USP36: variants seen among roughly 807,000 people sequenced by gnomAD.
The protein encoded by USP36 is ubiquitin carboxyl-terminal hydrolase 36.
In USP36, 59 loss-of-function variants were observed where a neutral mutation model predicts 111.5. The ratio of observed to expected loss-of-function variants is 0.53; its 90% confidence interval spans 0.43 to 0.66. USP36 has a LOEUF of 0.66. USP36 is among the 30% of genes least tolerant of loss of function. The pLI, the probability that USP36 is intolerant of heterozygous loss-of-function variation, is 0.00. For missense variants in USP36, 1,488 were observed against 1,468.0 expected, an observed-to-expected ratio of 1.01 and a Z score of -0.22; for synonymous variants, 628 against 581.0, an observed-to-expected ratio of 1.08 and a Z score of -1.16.
At chr17:78,818,279 C>A (rs940501800) in intron 10 of USP36, among the ~76,000 whole-genome samples, 2 of 152,166 alleles carry the variant, frequency 1.3e-5, no homozygotes, top group Admixed American at 6.6e-5. Context: ...CCAGGACCAG[C>A]CCAAGCACAA....
Position 78,803,888 on chromosome 17 carries a change from TG to T in USP36, c.2306del (p.Pro769GlnfsTer128). 7.9e-7 allele frequency: 1 copy of T among 1,260,018 alleles called. No individual in the cohort carries two copies. The highest frequency in any genetic ancestry group is 1.0e-6 in the Non-Finnish European group (1 of 971,986). The allele number at this position is 1,260,018 out of a possible 1,614,324, so 78.1% of individuals were successfully genotyped here. On this transcript the variant is annotated frameshift_variant, in exon 16 of 21. Coordinates refer to ENST00000449938, the MANE Select transcript of USP36 (RefSeq NM_001385174.1). LOFTEE classifies it high-confidence loss of function. This position sits in a 1 kb window ranked among gnomAD's most constrained non-coding sequence, Gnocchi z 4.6. Reference sequence around the variant, plus strand: ...AGCAGCTCCGTGGTTCTGACGTCCCTGGGGGCTTGGGGGTACTGGACAGCAA... The same window carrying T: ...AGCAGCTCCGTGGTTCTGACGTCCCTGGGGCTTGGGGGTACTGGACAGCAA... ...PTLLSSTPKP[P>X]GTSEPRSCSS...
At chr17:78,835,543 A>C in intron 3 of USP36, 42 bp from the exon 4 acceptor site, 1 of 1,550,840 alleles carries the variant, frequency 6.4e-7, no homozygotes, top group Non-Finnish European at 8.7e-7. Context: ...GGAAGACGTA[A>C]GTCCACACAC....
Position 78,806,209 on chromosome 17 carries a change from G to A in USP36, c.2163C>T (p.Pro721=), listed in dbSNP as rs760846510. 6.2e-7 allele frequency: 1 copy of A among 1,613,354 alleles called. No individual in the cohort carries two copies. The stretch of plus-strand genomic sequence containing the variant: ...CAACGACGGGGTGAGAGGTTTTCAT[G>A]GGGTGGGTGAGGTCGGAGGATGGTG... ...PPSPSSDLTH[P]MKTSHPVVAS... The change falls in exon 15 of 21, where the codon CCC becomes CCT. Residue 721 remains proline (P), a synonymous_variant. Coordinates refer to ENST00000449938, the MANE Select transcript of USP36 (RefSeq NM_001385174.1).
chr17:78,815,966 ACACACACATATAATACGTG>A (rs1385176645), intron 10 of USP36, among the ~76,000 whole-genome samples: 3 of 152,076 alleles, frequency 2.0e-5, no homozygotes, highest in African/African-American at 7.2e-5. Context: ...ACATATACAT[ACACACACATATAATACGTG>A]CACACACATA....
Position 78,803,899 on chromosome 17 carries a change from G to C in USP36, c.2296C>G (p.Pro766Ala). The C allele has an allele frequency of 2.5e-6, 4 of 1,611,310 alleles. No homozygotes were observed. The South Asian group carries it at 4.4e-5, about 18-fold the overall frequency. Residue 766 changes from proline (P) to alanine (A), a missense_variant, in exon 16 of 21, where the codon CCC becomes GCC. Physicochemically the swap from Pro to Ala is conservative, Grantham distance 27. This residue lies in a region of USP36 where 1,073 missense variants were observed against 994.1 expected (regional missense o/e 1.08). Coordinates refer to ENST00000449938, the MANE Select transcript of USP36 (RefSeq NM_001385174.1). The surrounding 1 kb of genome is among the most constrained non-coding windows in gnomAD (Gnocchi z 4.6). ...SPHPTLLSST[P>A]KPPGTSEPRS... is the part of the protein sequence containing the mutation. ...GGTTCTGACGTCCCTGGGGGCTTGG[G>C]GGTACTGGACAGCAATGTGGGGTGG...
rs767814555 is a variant in USP36, at chr17:78,807,281, G to A, written c.1763C>T (p.Thr588Ile). Residue 588 changes from threonine (T) to isoleucine (I), a missense_variant, in exon 14 of 21, where the codon ACA (threonine) becomes ATA (isoleucine). Physicochemically the swap from Thr to Ile is moderately conservative, Grantham distance 89. This residue lies in a region of USP36 where 1,073 missense variants were observed against 994.1 expected (regional missense o/e 1.08). Transcript: ENST00000449938. ...CAGCCCATGCCCGTTGGCAGTGGCT[G>A]TAGCCAGGAGCTTAGGTGAGGTAGA... Reference protein sequence around the residue: ...VLSTSPKLLATATANGHGLKG... With the variant: ...VLSTSPKLLAIATANGHGLKG... 6 of 1,614,046 alleles carry A rather than the reference G, an allele frequency of 3.7e-6. No individual in the cohort carries two copies. The highest frequency in any genetic ancestry group is 1.3e-5 in the African/African-American group (1 of 74,936).
rs988868861 is a variant in USP36 at position 78,798,324 on chromosome 17, C to A, written c.*20+76G>T. 47 of 1,560,488 alleles carry A rather than the reference C, an allele frequency of 3.0e-5. No individual in the cohort carries two copies. The highest frequency in any genetic ancestry group is 3.8e-5 in the Non-Finnish European group (44 of 1,152,784). ...ACATACATCATACACACACGCCACA[C>A]CCCACCACACCCCTACACACATACA... On this transcript the variant is annotated intron_variant, in intron 20 of 20. Transcript: ENST00000449938. The surrounding 1 kb of genome is among the most constrained non-coding windows in gnomAD (Gnocchi z 5.1).
At chr17:78,794,442 G>A (rs1389218356), downstream of USP36, among the ~76,000 whole-genome samples, 5 of 152,246 alleles carry the variant, frequency 3.3e-5, no homozygotes, top group East Asian at 7.7e-4. Flanking sequence ...CTCACCCCAC[G>A]GTGCTTCAGG....
downstream of USP36, among the ~76,000 whole-genome samples, chr17:78,792,758 G>A (rs7226316): frequency 0.057 from 8,599 of 151,896 alleles, 468 homozygotes; most frequent in South Asian, 0.15. Flanking sequence ...TCACTCTGTC[G>A]CCCAGGCTGG....
intron 10 of USP36, among the ~76,000 whole-genome samples, chr17:78,816,872 C>T (rs1375617789): frequency 6.6e-6 from 1 of 152,168 alleles, no homozygotes; most frequent in Non-Finnish European, 1.5e-5. Context: ...TACTGATGGA[C>T]ATGCAGAACA....
At chr17:78,814,992 T>C (rs1224002176) in intron 10 of USP36, among the ~76,000 whole-genome samples, 2 of 151,538 alleles carry the variant, frequency 1.3e-5, no homozygotes, top group Non-Finnish European at 2.9e-5. Flanking sequence ...TTGGGGCGAA[T>C]GGGTGTGCAG....
In USP36 at chr17:78,798,853, G is replaced by A. The variant is rs2093675161; in HGVS notation, c.3240+55C>T. On this transcript the variant is annotated intron_variant, in intron 19 of 20. Coordinates refer to ENST00000449938, the MANE Select transcript of USP36 (RefSeq NM_001385174.1). This position sits in a 1 kb window ranked among gnomAD's most constrained non-coding sequence, Gnocchi z 5.1. ...CCACCTCCAACTGCCCCGGCTCTGA[G>A]CTGAGCCACGCCGCCCTGCTCCCTC... 6.3e-7 allele frequency: 1 copy of A among 1,595,092 alleles called. No individual in the cohort carries two copies. Among genetic ancestry groups the A allele is most frequent in the Non-Finnish European group, 8.6e-7 (1 of 1,164,714 alleles).
At position 78,812,855 on chromosome 17, in the gene USP36, A is replaced by G. The variant is rs757466384; in HGVS notation, c.1407+5T>C. 4.0e-5 allele frequency: 64 copies of G among 1,613,048 alleles called. No homozygotes were observed. In the East Asian group the frequency reaches 1.4e-3, roughly 35 times the overall value. On this transcript the variant is annotated splice_donor_5th_base_variant and intron_variant, in intron 13 of 20. Transcript: ENST00000449938. The stretch of plus-strand genomic sequence containing the variant: ...CACTTTGGCCTCCATCATTCTCACA[A>G]ATACCTTTCCAGTCAGTGGGGAGGA...
chr17:78,805,298 C>G (rs143102313), intron 15 of USP36, among the ~76,000 whole-genome samples: 2 of 152,114 alleles, frequency 1.3e-5, no homozygotes, highest in African/African-American at 4.8e-5. Context: ...AGGCAAGAAA[C>G]GAAAAACACC....
In USP36 at chr17:78,803,448, C is replaced by T; in HGVS notation, c.2747G>A (p.Arg916Lys). The T allele has an allele frequency of 1.2e-6, 2 of 1,614,154 alleles. No homozygotes were observed. Among genetic ancestry groups the T allele is most frequent in the Non-Finnish European group, 1.7e-6 (2 of 1,180,036 alleles). ...DGHHASSRKR[R>K]RKGAEGLGEE... Reference sequence around the variant, plus strand: ...ACCAAGACCTTCTGCTCCTTTCCTCCTCCGCTTCCTGCTGCTCGCGTGGTG... The same window carrying T: ...ACCAAGACCTTCTGCTCCTTTCCTCTTCCGCTTCCTGCTGCTCGCGTGGTG... The change falls in exon 16 of 21, where the codon AGG becomes AAG. Residue 916 changes from arginine (R) to lysine (K), a missense_variant. Coordinates refer to ENST00000449938, the MANE Select transcript of USP36 (RefSeq NM_001385174.1). This position sits in a 1 kb window ranked among gnomAD's most constrained non-coding sequence, Gnocchi z 4.6.
At chr17:78,836,410 G>A (rs770270047) in intron 2 of USP36, 38 bp from the exon 3 acceptor site, 3 of 1,593,236 alleles carry the variant, frequency 1.9e-6, no homozygotes, top group South Asian at 1.1e-5. Context: ...CATAGATAAC[G>A]AAATCCCGGG....
rs921124004 is a variant in USP36 at position 78,797,224 on chromosome 17, T to A, written c.*676A>T. On this transcript the variant is annotated 3_prime_UTR_variant, in exon 21 of 21. Coordinates refer to ENST00000449938, the MANE Select transcript of USP36 (RefSeq NM_001385174.1). ...AACAGCAGCCTGGAAAGCAGATGTA[T>A]TCGCAGGTATCGAGGGCTCCTCCGA... 6.6e-6 allele frequency: 1 copy of A among 152,178 alleles called. No homozygotes were observed. Among genetic ancestry groups the A allele is most frequent in the African/African-American group, 2.4e-5 (1 of 41,436 alleles). The allele number at this position is 152,178 out of a possible 1,614,324, so 9.4% of individuals were successfully genotyped here. A position where few individuals can be genotyped will look rare whatever the true frequency, so the allele number is the denominator to read the frequency against.
intron 11 of USP36, 54 bp downstream of exon 11, chr17:78,814,358 C>T: frequency 6.2e-7 from 1 of 1,604,778 alleles, no homozygotes; most frequent in Non-Finnish European, 8.5e-7. Context: ...TCTGGATGTG[C>T]ATGGGTGCTG....
chr17:78,820,272 G>A (rs2145379436), intron 8 of USP36, among the ~76,000 whole-genome samples: 1 of 152,270 alleles, frequency 6.6e-6, no homozygotes, highest in Non-Finnish European at 1.5e-5. Flanking sequence ...CCAGGAGTTT[G>A]AGACAAGCCT....
Sources: allele counts gnomAD v4.1 joint callset (sites outside exome capture counted in the v4.1 genomes callset), GRCh38; gene constraint gnomAD v4.1.1; regional missense constraint gnomAD v4.1.1; non-coding constraint Gnocchi (gnomAD v3.1); transcripts MANE v1.5; gene names NCBI Gene and HGNC (gene_info 2026-07-23, HGNC 2026-07-21).